DACH2: variants seen among roughly 807,000 people sequenced by gnomAD.
DACH2 encodes dachshund family transcription factor 2.
A neutral mutation model predicts 35.8 loss-of-function variants in DACH2; 17 were observed. The observed-to-expected ratio is 0.48, with a 90% CI of 0.33 to 0.71. The LOEUF (loss-of-function observed/expected upper bound fraction) is 0.71, where lower values mean the gene tolerates loss of function less well. Ranked by LOEUF, DACH2 falls within the 30% of genes least tolerant of loss-of-function variation. The probability of loss-of-function intolerance (pLI) is 0.02; values close to 1 mark genes in which losing one functional copy is unlikely to be tolerated. For missense variants in DACH2, 469 were observed against 472.7 expected (o/e 0.99, Z 0.07); for synonymous variants, 195 against 177.3 (o/e 1.10, Z -0.79).
intron 6 of DACH2, among the ~76,000 whole-genome samples, chrX:86,733,774 C>T (rs2045061125): frequency 9.0e-6 from 1 of 110,970 alleles, no homozygotes; most frequent in African/African-American, 3.3e-5. Flanking sequence ...GAGCAGCTGG[C>T]AATTAATGAA....
At chrX:86,381,399 CAT>C (rs1368608196) in intron 2 of DACH2, among the ~76,000 whole-genome samples, 1 of 111,030 alleles carries the variant, frequency 9.0e-6, no homozygotes, top group African/African-American at 3.3e-5. Context: ...CATCTTAAAA[CAT>C]ATGTAATTAA....
intron 3 of DACH2, among the ~76,000 whole-genome samples, chrX:86,565,351 C>G (rs1435241206): frequency 9.0e-6 from 1 of 111,520 alleles, no homozygotes; most frequent in African/African-American, 3.3e-5. Context: ...TATCCACCTA[C>G]TAGACTAGTG....
At chrX:86,235,147 T>C (rs981436910) in intron 1 of DACH2, among the ~76,000 whole-genome samples, 6 of 111,514 alleles carry the variant, frequency 5.4e-5, no homozygotes, top group Admixed American at 9.6e-5. Flanking sequence ...TCAATAGAAT[T>C]TGTCTGATGT....
At chrX:86,649,725 G>T (rs941631031) in intron 3 of DACH2, among the ~76,000 whole-genome samples, 10 of 111,210 alleles carry the variant, frequency 9.0e-5, no homozygotes, top group Admixed American at 5.8e-4. Context: ...TGGCAAAATA[G>T]AACCTTAGTT....
chrX:86,438,223 T>A (rs941403017), intron 2 of DACH2, among the ~76,000 whole-genome samples: 1 of 101,758 alleles, frequency 9.8e-6, no homozygotes, highest in African/African-American at 3.7e-5. Context: ...TCGTAGGTTT[T>A]TTTTTTTTTT....
intron 2 of DACH2, among the ~76,000 whole-genome samples, chrX:86,452,259 T>C (rs2037391387): frequency 8.9e-6 from 1 of 112,104 alleles, no homozygotes; most frequent in African/African-American, 3.2e-5. Context: ...TGCATCAATG[T>C]TCATCAAGTA....
At chrX:86,631,473 C>T (rs2040200319) in intron 3 of DACH2, among the ~76,000 whole-genome samples, 1 of 112,201 alleles carries the variant, frequency 8.9e-6, no homozygotes, top group Non-Finnish European at 1.9e-5. Flanking sequence ...ATTGCAATAA[C>T]AAGCAAGCTA....
chrX:86,343,600 G>T (rs2035448894), intron 1 of DACH2, among the ~76,000 whole-genome samples: 2 of 111,440 alleles, frequency 1.8e-5, no homozygotes, highest in Non-Finnish European at 3.8e-5. Context: ...AAGCAGTAAA[G>T]GTCAAGAATA....
intron 4 of DACH2, among the ~76,000 whole-genome samples, chrX:86,692,433 T>C (rs747651239): frequency 6.3e-5 from 7 of 110,976 alleles, no homozygotes; most frequent in Admixed American, 3.9e-4. Context: ...GGAAAAAGTG[T>C]ATCCAAAGTT....
At chrX:86,228,352 G>T (rs747590550) in intron 1 of DACH2, among the ~76,000 whole-genome samples, 28 of 109,699 alleles carry the variant, frequency 2.6e-4, no homozygotes, top group Non-Finnish European at 2.5e-4. Context: ...GGGCATTTTG[G>T]TTGGTTCCAC....
At chrX:86,234,618 A>AT (rs2033017402) in intron 1 of DACH2, among the ~76,000 whole-genome samples, 2 of 73,475 alleles carry the variant, frequency 2.7e-5, no homozygotes, top group Admixed American at 1.7e-4. Context: ...ATTTTAATTT[A>AT]ATTTTTTTTT....
At chrX:86,406,819 T>C (rs1402787161) in intron 2 of DACH2, among the ~76,000 whole-genome samples, 1 of 112,049 alleles carries the variant, frequency 8.9e-6, no homozygotes, top group East Asian at 2.8e-4. Context: ...TCCTCATATA[T>C]GTCTTCTGGT....
intron 7 of DACH2, among the ~76,000 whole-genome samples, chrX:86,774,830 G>A (rs1398731170): frequency 1.8e-5 from 2 of 112,040 alleles, no homozygotes; most frequent in Non-Finnish European, 3.8e-5. Context: ...CCATACACTT[G>A]TGCGTCAGTG....
chrX:86,508,420 C>G (rs1024751766), intron 2 of DACH2, among the ~76,000 whole-genome samples: 14 of 109,125 alleles, frequency 1.3e-4, no homozygotes, highest in Admixed American at 3.0e-4. Context: ...ATTAGTCGGG[C>G]GTGGTGGGGC....
chrX:86,314,713 T>C (rs1305047592), intron 1 of DACH2, among the ~76,000 whole-genome samples: 1 of 111,963 alleles, frequency 8.9e-6, no homozygotes, highest in Non-Finnish European at 1.9e-5. Context: ...TTTGCTGATG[T>C]GAAGAAAGTT....
At chrX:86,197,498 G>A (rs139865898) in intron 1 of DACH2, among the ~76,000 whole-genome samples, 359 of 111,467 alleles carry the variant, frequency 3.2e-3, no homozygotes, top group Middle Eastern at 9.2e-3. Context: ...CCAATGGTAT[G>A]CTGTCTTCAA....
At chrX:86,609,186 G>T (rs749241307) in intron 3 of DACH2, among the ~76,000 whole-genome samples, 1 of 111,121 alleles carries the variant, frequency 9.0e-6, no homozygotes, top group Non-Finnish European at 1.9e-5. Flanking sequence ...TTGTTTTTCT[G>T]ACTGTATTTT....
In DACH2 at chrX:86,203,843, G is replaced by A. The variant is rs1401500759; in HGVS notation, c.488+54735G>A. 2.7e-5 allele frequency among the ~76,000 whole-genome samples: 3 copies of A among 111,149 alleles called. No homozygotes were observed. In the Admixed American group the frequency reaches 2.9e-4, roughly 11 times the overall value. ...AGTAAAAGACAAGAATAGAGTTTGGGAGGAGAATTATCTAAAACAGAAGTA... is the reference window on the plus strand; with the variant it reads ...AGTAAAAGACAAGAATAGAGTTTGGAAGGAGAATTATCTAAAACAGAAGTA... On this transcript the variant is annotated intron_variant, in intron 1 of 11. Coordinates refer to ENST00000373125, the MANE Select transcript of DACH2 (RefSeq NM_053281.3).
Position 86,633,874 on chromosome X carries a change from A to G in DACH2, c.641-17162A>G, listed in dbSNP as rs557308394. Among the ~76,000 whole-genome samples the G allele has an allele frequency of 2.7e-5, 3 of 112,329 alleles. No homozygotes were observed. In the East Asian group the frequency reaches 8.5e-4, roughly 32 times the overall value. Reference sequence around the variant, plus strand: ...ATTAACAGAATTAAAAACAAAAACAACATGACCATTTCAATAGAAGCAGAA... The same window carrying G: ...ATTAACAGAATTAAAAACAAAAACAGCATGACCATTTCAATAGAAGCAGAA... On this transcript the variant is annotated intron_variant, in intron 3 of 11. Coordinates refer to ENST00000373125, the MANE Select transcript of DACH2 (RefSeq NM_053281.3).
Sources: gnomAD v4.1 joint callset for allele counts (sites outside exome capture counted in the v4.1 genomes callset) on GRCh38, gnomAD v4.1.1 for gene constraint, MANE v1.5 for transcripts, NCBI Gene and HGNC (gene_info 2026-07-23, HGNC 2026-07-21) for gene names.